The following KDM5B variants were observed in gnomAD, a reference collection of about 807,000 sequenced individuals.
KDM5B encodes lysine demethylase 5B, also known as lysine-specific demethylase 5B.
A neutral mutation model predicts 193.4 loss-of-function variants in KDM5B; 144 were observed. The observed-to-expected ratio is 0.74, with a 90% CI of 0.65 to 0.86. KDM5B has a LOEUF of 0.86. Ranked by LOEUF, KDM5B falls within the 40% of genes least tolerant of loss-of-function variation. The pLI is 0.00. For missense variants in KDM5B, 1,833 were observed against 1,886.9 expected (o/e 0.97, Z 0.53); for synonymous variants, 668 against 682.6 (o/e 0.98, Z 0.33).
intron 1 of KDM5B, among the ~76,000 whole-genome samples, chr1:202,787,119 C>T (rs1657445484): frequency 6.6e-6 from 1 of 152,124 alleles, no homozygotes; most frequent in Non-Finnish European, 1.5e-5. Context: ...CGGGCTCATG[C>T]AATTCTCCCA....
At chr1:202,767,453 G>A in intron 4 of KDM5B, 2 of 1,204,974 alleles carry the variant, frequency 1.7e-6, no homozygotes, top group Middle Eastern at 2.7e-4. Flanking sequence ...AAGGTGCAGA[G>A]ACCGAGGAAG....
At chr1:202,799,619 T>C (rs1455523259) in intron 1 of KDM5B, among the ~76,000 whole-genome samples, 5 of 149,320 alleles carry the variant, frequency 3.3e-5, no homozygotes, top group African/African-American at 7.4e-5. Flanking sequence ...CGCCACTGCA[T>C]GCACTCCAGC....
chr1:202,744,570 AAAAC>A (rs1255306759), intron 16 of KDM5B, among the ~76,000 whole-genome samples: 2 of 152,296 alleles, frequency 1.3e-5, no homozygotes, highest in African/African-American at 4.8e-5. Context: ...AACAAAAACA[AAAAC>A]AAACAAAAAA....
intron 5 of KDM5B, among the ~76,000 whole-genome samples, chr1:202,765,479 C>T (rs1349628582): frequency 6.6e-6 from 1 of 152,172 alleles, no homozygotes; most frequent in African/African-American, 2.4e-5. Flanking sequence ...AATATCATTA[C>T]TATCAGGTGT....
intron 1 of KDM5B, among the ~76,000 whole-genome samples, chr1:202,790,616 A>T (rs559536054): frequency 1.3e-5 from 2 of 152,244 alleles, no homozygotes; most frequent in African/African-American, 4.8e-5. Context: ...GCTACTCAGG[A>T]GGCTGAGGCA....
chr1:202,783,773 C>T (rs1479588507), intron 1 of KDM5B, among the ~76,000 whole-genome samples: 1 of 151,936 alleles, frequency 6.6e-6, no homozygotes, highest in Non-Finnish European at 1.5e-5. Context: ...CCCAGCTACT[C>T]AGGAGACTGA....
At position 202,752,900 on chromosome 1, in the gene KDM5B, C is replaced by T. The variant is rs753447684; in HGVS notation, c.1701+5G>A. The T allele has an allele frequency of 6.2e-7, 1 of 1,611,490 alleles. No individual in the cohort carries two copies. The highest frequency in any genetic ancestry group is 8.5e-7 in the Non-Finnish European group (1 of 1,179,064). On this transcript the variant is annotated splice_donor_5th_base_variant and intron_variant, in intron 12 of 26. Coordinates refer to ENST00000367265, the MANE Select transcript of KDM5B (RefSeq NM_006618.5). ...GAGTGGCAGGAGGATTAACCCAGAACATACAGGCACTTCATGAGTCATCAG... is the reference window on the plus strand; with the variant it reads ...GAGTGGCAGGAGGATTAACCCAGAATATACAGGCACTTCATGAGTCATCAG...
At chr1:202,808,021 C>G in intron 1 of KDM5B, 81 bp downstream of exon 1, 1 of 1,384,926 alleles carries the variant, frequency 7.2e-7, no homozygotes, top group Non-Finnish European at 9.6e-7. Context: ...CCGCCCCCCG[C>G]GCCTCGGGCC....
At chr1:202,758,118 G>A (rs975998437) in intron 9 of KDM5B, among the ~76,000 whole-genome samples, 1 of 152,162 alleles carries the variant, frequency 6.6e-6, no homozygotes, top group Admixed American at 6.6e-5. Context: ...GGGCCAAAAT[G>A]ATTGCTGATG....
chr1:202,753,220 A>G (rs4950793), intron 11 of KDM5B, among the ~76,000 whole-genome samples, 153 bp from the exon 12 acceptor site: 118,555 of 152,152 alleles, frequency 0.78, 47,263 homozygotes, highest in Admixed American at 0.86. Flanking sequence ...AATGTGAGCC[A>G]GGTGCTGTGG....
intron 20 of KDM5B, 86 bp downstream of exon 20, chr1:202,740,587 AC>A (rs554185651): frequency 5.6e-5 from 67 of 1,187,056 alleles, no homozygotes; most frequent in South Asian, 6.6e-5. Context: ...TCGGGGGCTG[AC>A]CCCCCCACCT....
At chr1:202,804,700 G>A (rs1658211711) in intron 1 of KDM5B, among the ~76,000 whole-genome samples, 1 of 151,898 alleles carries the variant, frequency 6.6e-6, no homozygotes, top group South Asian at 2.1e-4. Flanking sequence ...ACCTTCTCCG[G>A]ACACAAAGAA....
At chr1:202,788,153 G>A (rs537669735) in intron 1 of KDM5B, among the ~76,000 whole-genome samples, 27 of 152,208 alleles carry the variant, frequency 1.8e-4, no homozygotes, top group Non-Finnish European at 2.4e-4. Context: ...TTTATTGACC[G>A]CCTATTTTTA....
rs1654760142 is a variant in KDM5B at position 202,728,713 on chromosome 1, A to T, written c.*323T>A. On this transcript the variant is annotated 3_prime_UTR_variant, in exon 27 of 27. Coordinates refer to ENST00000367265, the MANE Select transcript of KDM5B (RefSeq NM_006618.5). The stretch of plus-strand genomic sequence containing the variant: ...CTGGTAAATCCCAGAGAGAGGTAAA[A>T]TTTTAATGCTGTACATGAAAAGGTG... 1 of 208,604 alleles carries T rather than the reference A, an allele frequency of 4.8e-6. No homozygotes were observed. 12.9% of individuals were successfully genotyped at this position (208,604 alleles called of 1,614,324 possible).
chr1:202,738,780 T>G (rs2102226583), intron 20 of KDM5B, among the ~76,000 whole-genome samples: 1 of 152,334 alleles, frequency 6.6e-6, no homozygotes, highest in East Asian at 1.9e-4. Flanking sequence ...ACGTTTCAAA[T>G]TAAGTCATTC....
chr1:202,730,139 C>CG (rs2102208577), intron 25 of KDM5B, 112 bp from the exon 26 acceptor site: 1 of 981,638 alleles, frequency 1.0e-6, no homozygotes, highest in Non-Finnish European at 1.5e-6. Context: ...CCAATCTACA[C>CG]GGGAAAAAAA....
intron 1 of KDM5B, among the ~76,000 whole-genome samples, chr1:202,788,808 T>G (rs1352282196): frequency 6.6e-6 from 1 of 152,188 alleles, no homozygotes; most frequent in Non-Finnish European, 1.5e-5. Flanking sequence ...GGTTCTCTAG[T>G]AACTAGTTTT....
chr1:202,758,350 G>T, intron 9 of KDM5B, 41 bp downstream of exon 9: 1 of 1,515,452 alleles, frequency 6.6e-7, no homozygotes, highest in Non-Finnish European at 9.0e-7. Context: ...TTCTCCAAAA[G>T]CTATTAAAAT....
chr1:202,768,709 T>A (rs1023501378), intron 4 of KDM5B, among the ~76,000 whole-genome samples: 2 of 147,598 alleles, frequency 1.4e-5, no homozygotes, highest in Non-Finnish European at 3.0e-5. Flanking sequence ...CCAGAAAAGT[T>A]AACTATTCTT....
Sources: gnomAD v4.1 joint callset for allele counts (sites outside exome capture counted in the v4.1 genomes callset) on GRCh38, gnomAD v4.1.1 for gene constraint, MANE v1.5 for transcripts, NCBI Gene and HGNC (gene_info 2026-07-23, HGNC 2026-07-21) for gene names.